TRMT44: variants seen among roughly 807,000 people sequenced by gnomAD.
TRMT44 encodes probable tRNA (uracil-O(2)-)-methyltransferase.
TRMT44 carries 78 observed loss-of-function variants against 77.3 expected under a neutral mutation model. That is an observed-to-expected ratio of 1.01 (90% CI 0.84 to 1.22). The LOEUF (loss-of-function observed/expected upper bound fraction) is 1.22, where lower values mean the gene tolerates loss of function less well. TRMT44 is among the 50% of genes most tolerant of loss of function. The probability of loss-of-function intolerance (pLI) is 0.00; values close to 1 mark genes in which losing one functional copy is unlikely to be tolerated. For synonymous variants in TRMT44, 391 were observed against 383.3 expected, an observed-to-expected ratio of 1.02 and a Z score of -0.23; for missense variants, 1,090 against 964.4, an observed-to-expected ratio of 1.13 and a Z score of -1.73.
In TRMT44 at chr4:8,476,295, G is replaced by C. The variant is rs1579090038; in HGVS notation, c.*294G>C. On this transcript the variant is annotated 3_prime_UTR_variant, in exon 11 of 11. Coordinates refer to ENST00000389737, the MANE Select transcript of TRMT44 (RefSeq NM_152544.3). Reference sequence around the variant, plus strand: ...TGCACGGATCCTTACAATGTCTCCTGGGGGAGAGCGGCTGAGGCTGCCTTG... The same window carrying C: ...TGCACGGATCCTTACAATGTCTCCTCGGGGAGAGCGGCTGAGGCTGCCTTG... The C allele has an allele frequency of 2.3e-6, 1 of 431,996 alleles. No homozygotes were observed. The highest frequency in any genetic ancestry group is 4.5e-5 in the East Asian group (1 of 22,020). The allele number at this position is 431,996 out of a possible 1,614,324, so 26.8% of individuals were successfully genotyped here.
the TRMT44 span, chr4:8,506,749 C>T: frequency 7.2e-5 from 11 of 152,268 alleles, no homozygotes; most frequent in African/African-American, 2.7e-4. Flanking sequence ...GTTGGAGGCT[C>T]CGCCAGAGCC....
chr4:8,463,688 T>C (rs892764491), intron 6 of TRMT44, among the ~76,000 whole-genome samples: 2 of 152,214 alleles, frequency 1.3e-5, no homozygotes, highest in Non-Finnish European at 2.9e-5. Context: ...TGGAGCTCCT[T>C]CTTATGCCTG....
chr4:8,487,907 A>G (rs898494038), intron 2 of TRMT44, among the ~76,000 whole-genome samples: 2 of 152,150 alleles, frequency 1.3e-5, no homozygotes, highest in Non-Finnish European at 2.9e-5. Flanking sequence ...ATTAAACACC[A>G]AGGGAAGGCT....
intron 1 of TRMT44, among the ~76,000 whole-genome samples, chr4:8,442,780 A>G (rs1373065312): frequency 6.6e-6 from 1 of 152,188 alleles, no homozygotes; most frequent in Non-Finnish European, 1.5e-5. Context: ...TCTCAGAGCC[A>G]GCAATGGGGT....
chr4:8,481,946 T>TC (rs1727627041), intron 2 of TRMT44, among the ~76,000 whole-genome samples: 1 of 152,242 alleles, frequency 6.6e-6, no homozygotes, highest in Non-Finnish European at 1.5e-5. Context: ...TTTCCTTTTT[T>TC]CATCATAGAT....
chr4:8,441,250 A>T lies in TRMT44; in HGVS notation c.428A>T (p.Asp143Val). The change falls in exon 1 of 11, where the codon GAT (aspartate) becomes GTT (valine). Residue 143 changes from aspartate (D) to valine (V), a missense_variant. By Grantham distance (152) the Asp-to-Val change is radical. Transcript: ENST00000389737. Reference sequence around the variant, plus strand: ...GGCGACTTCCCCGCCGCAGATCTGGATTCGCTTTGGGAGGATTTCTCCCAA... The same window carrying T: ...GGCGACTTCCCCGCCGCAGATCTGGTTTCGCTTTGGGAGGATTTCTCCCAA... The part of the protein sequence containing the change: ...REGDFPAADL[D>V]SLWEDFSQSL... 6.5e-7 allele frequency: 1 copy of T among 1,535,616 alleles called. No homozygotes were observed. The highest frequency in any genetic ancestry group is 8.7e-7 in the Non-Finnish European group (1 of 1,146,644).
downstream of TRMT44, among the ~76,000 whole-genome samples, chr4:8,481,208 A>T: frequency 6.6e-6 from 1 of 152,226 alleles, no homozygotes. Context: ...CAACCAGAAA[A>T]TGTTTAAATT....
At position 8,444,184 on chromosome 4, in the gene TRMT44, C is replaced by G. The variant is rs1234735666; in HGVS notation, c.620-2292C>G. On this transcript the variant is annotated intron_variant, in intron 1 of 10. Transcript: ENST00000389737. The surrounding 1 kb of genome is among the most constrained non-coding windows in gnomAD (Gnocchi z 4.0). Reference sequence around the variant, plus strand: ...GATCCTCAGAAGTTTGTCATTCAAACATCACATGTTCTCACTTATTTATGG... The same window carrying G: ...GATCCTCAGAAGTTTGTCATTCAAAGATCACATGTTCTCACTTATTTATGG... 6.6e-6 allele frequency among the ~76,000 whole-genome samples: 1 copy of G among 151,616 alleles called. No individual in the cohort carries two copies. The highest frequency in any genetic ancestry group is 1.5e-5 in the Non-Finnish European group (1 of 67,920).
downstream of TRMT44, chr4:8,477,499 C>G (rs1403271697): frequency 6.6e-6 from 1 of 152,364 alleles, no homozygotes; most frequent in East Asian, 1.9e-4. Flanking sequence ...GCTGAGGCCT[C>G]TGGGGTCCCC....
At position 8,484,895 on chromosome 4, in the gene TRMT44, G is replaced by GT. The variant is rs1727755989; in HGVS notation, n.3891+5367dup. Among the ~76,000 whole-genome samples the GT allele has an allele frequency of 2.6e-5, 4 of 152,268 alleles. No homozygotes were observed. The South Asian group carries it at 8.3e-4, about 32-fold the overall frequency. Reference sequence around the variant, plus strand: ...CATGAGCGGCAGGGAGAGCACAGGTGTTTTTATGAAGAATTATGCCGAGAT... The same window carrying GT: ...CATGAGCGGCAGGGAGAGCACAGGTGTTTTTTATGAAGAATTATGCCGAGAT... On this transcript the variant is annotated intron_variant and non_coding_transcript_variant, in intron 2 of 2. Transcript: ENST00000511366.
Position 8,446,421 on chromosome 4 carries a change from G to A in TRMT44, c.620-55G>A. 2.6e-6 allele frequency: 3 copies of A among 1,147,688 alleles called. No individual in the cohort carries two copies. In the South Asian group the frequency reaches 4.0e-5, roughly 15 times the overall value. The allele number at this position is 1,147,688 out of a possible 1,614,324, so 71.1% of individuals were successfully genotyped here. A position where few individuals can be genotyped will look rare whatever the true frequency, so the allele number is the denominator to read the frequency against. On this transcript the variant is annotated intron_variant, in intron 1 of 10. Coordinates refer to ENST00000389737, the MANE Select transcript of TRMT44 (RefSeq NM_152544.3). This position sits in a 1 kb window ranked among gnomAD's most constrained non-coding sequence, Gnocchi z 4.3. The stretch of plus-strand genomic sequence containing the variant: ...CATCCCTATTTTTAATACTGCTTCT[G>A]ATGAGACGGTAGCTAGGCAGTTGTA...
chr4:8,485,096 A>C (rs1727762091), intron 2 of TRMT44, among the ~76,000 whole-genome samples: 1 of 152,202 alleles, frequency 6.6e-6, no homozygotes, highest in Admixed American at 6.5e-5. Context: ...AATAAAGTAA[A>C]TCATGAGAAA....
intron 10 of TRMT44, among the ~76,000 whole-genome samples, chr4:8,471,460 T>C (rs1351256295): frequency 6.6e-6 from 1 of 152,240 alleles, no homozygotes; most frequent in Non-Finnish European, 1.5e-5. Context: ...TATGCTGTGC[T>C]TGCTGACGCC....
chr4:8,505,412 A>G, the TRMT44 span, among the ~76,000 whole-genome samples: 2 of 152,086 alleles, frequency 1.3e-5, no homozygotes, highest in African/African-American at 4.8e-5. Flanking sequence ...CAGCTCTGCC[A>G]CCTTGACCTC....
chr4:8,449,674 T>C lies in TRMT44; in HGVS notation c.740T>C (p.Ile247Thr), dbSNP rs1406670796. The change falls in exon 3 of 11, where the codon ATA becomes ACA. Residue 247 changes from isoleucine to threonine, a missense_variant. Ile to Thr is a moderately conservative substitution (Grantham distance 89). Coordinates refer to ENST00000389737, the MANE Select transcript of TRMT44 (RefSeq NM_152544.3). Reference sequence around the variant, plus strand: ...TATTTCTCTTATTTTTAAAGGTTCATATCTGTTTTAATTTTCTGTCCAGAA... The same window carrying C: ...TATTTCTCTTATTTTTAAAGGTTCACATCTGTTTTAATTTTCTGTCCAGAA... ...QLSHSKEEWF[I>T]SVLIFCPERW... 1.3e-5 allele frequency: 20 copies of C among 1,534,068 alleles called. No individual in the cohort carries two copies. The East Asian group carries it at 4.4e-4, about 34-fold the overall frequency.
chr4:8,472,987 G>C (rs376609844), intron 10 of TRMT44, among the ~76,000 whole-genome samples: 9 of 152,294 alleles, frequency 5.9e-5, no homozygotes, highest in African/African-American at 1.7e-4. Context: ...GGTCACCCTG[G>C]GGGGGCAAAC....
chr4:8,495,815 T>C (rs983705831), downstream of TRMT44, among the ~76,000 whole-genome samples: 2 of 152,176 alleles, frequency 1.3e-5, no homozygotes, highest in African/African-American at 4.8e-5. Context: ...CCTCCTTTTT[T>C]TGCTGGCAGT....
At chr4:8,481,731 A>G (rs1197883976) in intron 2 of TRMT44, among the ~76,000 whole-genome samples, 2 of 152,364 alleles carry the variant, frequency 1.3e-5, no homozygotes, top group East Asian at 3.9e-4. Context: ...GGCTAGGCCT[A>G]CACAGAGTCA....
chr4:8,482,723 A>T (rs957266291), intron 2 of TRMT44, among the ~76,000 whole-genome samples: 5 of 152,106 alleles, frequency 3.3e-5, no homozygotes, highest in African/African-American at 4.8e-5. Flanking sequence ...GAATGTCATC[A>T]GTTAAGGTGG....
Sources: allele counts gnomAD v4.1 joint callset (sites outside exome capture counted in the v4.1 genomes callset), GRCh38; gene constraint gnomAD v4.1.1; non-coding constraint Gnocchi (gnomAD v3.1); transcripts MANE v1.5; gene names NCBI Gene and HGNC (gene_info 2026-07-23, HGNC 2026-07-21).